NEDD9: variants seen among roughly 807,000 people sequenced by gnomAD.
NEDD9 encodes neural precursor cell expressed, developmentally down-regulated 9.
NEDD9 carries 26 observed loss-of-function variants against 76.6 expected under a neutral mutation model. That is an observed-to-expected ratio of 0.34 (90% CI 0.25 to 0.47). The LOEUF (loss-of-function observed/expected upper bound fraction) is 0.47. Ranked by LOEUF, NEDD9 falls within the 20% of genes least tolerant of loss-of-function variation. The pLI, the probability that NEDD9 is intolerant of heterozygous loss-of-function variation, is 1.00. For synonymous variants in NEDD9, 392 were observed against 414.2 expected, an observed-to-expected ratio of 0.95 and a Z score of 0.65; for missense variants, 937 against 1,058.5, an observed-to-expected ratio of 0.89 and a Z score of 1.59.
At chr6:11,342,410 T>C (rs76914443) in intron 1 of NEDD9, among the ~76,000 whole-genome samples, 1 of 71,004 alleles carries the variant, frequency 1.4e-5, no homozygotes, top group African/African-American at 1.2e-4. Context: ...GAAGATAAAG[T>C]AGAATGTTAA....
At chr6:11,226,428 T>C (rs1451971321) in intron 1 of NEDD9, among the ~76,000 whole-genome samples, 2 of 152,234 alleles carry the variant, frequency 1.3e-5, no homozygotes, top group Non-Finnish European at 2.9e-5. Flanking sequence ...AGCCTATATG[T>C]TCTTGCAGAG....
chr6:11,251,643 C>T (rs542983620), intron 3 of NEDD9: 1 of 152,380 alleles, frequency 6.6e-6, no homozygotes, highest in Admixed American at 6.5e-5. Flanking sequence ...GTTCCTCCCC[C>T]TCACTAGGCT....
chr6:11,303,671 C>T (rs1457757269), intron 3 of NEDD9, among the ~76,000 whole-genome samples: 1 of 152,166 alleles, frequency 6.6e-6, no homozygotes, highest in Non-Finnish European at 1.5e-5. Flanking sequence ...CTACAACCAT[C>T]TGAACTTTGG....
chr6:11,306,415 C>T (rs1761185958), intron 2 of NEDD9, among the ~76,000 whole-genome samples: 1 of 152,178 alleles, frequency 6.6e-6, no homozygotes, highest in Non-Finnish European at 1.5e-5. Flanking sequence ...AACAAAAATA[C>T]AGCACAATAA....
At chr6:11,278,563 A>C (rs1760466577) in intron 3 of NEDD9, among the ~76,000 whole-genome samples, 1 of 152,204 alleles carries the variant, frequency 6.6e-6, no homozygotes. Context: ...AAGAGCTCAA[A>C]ATACATGCCA....
rs750643894 is a variant in NEDD9, at chr6:11,190,523, C to T, written c.1346G>A (p.Arg449His). The stretch of plus-strand genomic sequence containing the variant: ...CAGCTCCACCTTGTCCACTGCTGTG[C>T]GTATTTCATTGATGTGTCTTTCCAT... ...GYMERHINEI[R>H]TAVDKVELFL... Residue 449 changes from arginine (R) to histidine (H), a missense_variant, in exon 5 of 7, where the codon CGC becomes CAC. Physicochemically the swap from Arg to His is conservative, Grantham distance 29. Transcript: ENST00000379446. The surrounding 1 kb of genome is among the most constrained non-coding windows in gnomAD (Gnocchi z 5.8). The T allele has an allele frequency of 2.5e-6, 4 of 1,614,156 alleles. No individual in the cohort carries two copies. Among genetic ancestry groups the T allele is most frequent in the South Asian group, 2.2e-5 (2 of 91,080 alleles).
At chr6:11,186,466 C>G (rs1205400388) in intron 6 of NEDD9, among the ~76,000 whole-genome samples, 1 of 152,108 alleles carries the variant, frequency 6.6e-6, no homozygotes, top group African/African-American at 2.4e-5. Flanking sequence ...CACTAAGACT[C>G]AAGAGAGACC....
chr6:11,369,553 T>A (rs2113567237), intron 1 of NEDD9, among the ~76,000 whole-genome samples: 1 of 152,338 alleles, frequency 6.6e-6, no homozygotes, highest in South Asian at 2.1e-4. Context: ...GAGCCAGTTT[T>A]CAATCACAAA....
intron 3 of NEDD9, among the ~76,000 whole-genome samples, chr6:11,298,647 A>AT (rs1760961701): frequency 6.6e-6 from 1 of 152,214 alleles, no homozygotes; most frequent in African/African-American, 2.4e-5. Flanking sequence ...GAAGAGAGAC[A>AT]TTTTTTGTTT....
Position 11,312,794 on chromosome 6 carries a change from C to T in NEDD9, c.-152-6639G>A, listed in dbSNP as rs570155887. 8.6e-5 allele frequency among the ~76,000 whole-genome samples: 13 copies of T among 151,170 alleles called. No individual in the cohort carries two copies. The South Asian group carries it at 1.0e-3, about 12-fold the overall frequency. ...CAGTGGGGTGGGGAAAGTGGGGAGA[C>T]GTAAAACAAGGTTTTCCATGTGCTG... On this transcript the variant is annotated intron_variant, in intron 2 of 3. Transcript: ENST00000397378.
At chr6:11,355,889 T>G (rs1025560094) in intron 1 of NEDD9, among the ~76,000 whole-genome samples, 1 of 150,470 alleles carries the variant, frequency 6.6e-6, no homozygotes, top group Non-Finnish European at 1.5e-5. Flanking sequence ...CCCGGCTAAT[T>G]TTTTGTATTT....
In NEDD9 at chr6:11,302,929, G is replaced by A. The variant is rs148321882; in HGVS notation, c.12+3063C>T. ...ATATCATACTGAATGGACAAAAGCTGGAAGCATTCCCTTTGAAAACCGGCA... is the reference window on the plus strand; with the variant it reads ...ATATCATACTGAATGGACAAAAGCTAGAAGCATTCCCTTTGAAAACCGGCA... On this transcript the variant is annotated intron_variant, in intron 3 of 3. Coordinates refer to the NEDD9 transcript ENST00000397378. Among the ~76,000 whole-genome samples, 621 of 152,288 alleles carry A rather than the reference G, an allele frequency of 4.1e-3. 6 individuals carry two copies. In the East Asian group the frequency reaches 0.053, roughly 13 times the overall value.
chr6:11,260,781 C>G (rs923620837), intron 3 of NEDD9, among the ~76,000 whole-genome samples: 1 of 152,148 alleles, frequency 6.6e-6, no homozygotes, highest in African/African-American at 2.4e-5. Flanking sequence ...TAGTCACACA[C>G]TATTTCTCAG....
chr6:11,319,548 A>C (rs1360574245), intron 2 of NEDD9, among the ~76,000 whole-genome samples: 1 of 149,304 alleles, frequency 6.7e-6, no homozygotes, highest in Admixed American at 6.7e-5. Context: ...GCGGACACAC[A>C]CTAACATGCG....
At chr6:11,265,418 T>C (rs757915641) in intron 3 of NEDD9, among the ~76,000 whole-genome samples, 4 of 152,244 alleles carry the variant, frequency 2.6e-5, no homozygotes, top group African/African-American at 4.8e-5. Context: ...GCTACAGTAT[T>C]TTCTGGACTT....
At chr6:11,381,208 T>C (rs1363619164) in intron 1 of NEDD9, among the ~76,000 whole-genome samples, 2 of 152,222 alleles carry the variant, frequency 1.3e-5, no homozygotes, top group Admixed American at 1.3e-4. Context: ...TATTCTGTCA[T>C]GGACAATTGC....
At chr6:11,378,842 A>G (rs1238392125) in intron 1 of NEDD9, among the ~76,000 whole-genome samples, 1 of 152,216 alleles carries the variant, frequency 6.6e-6, no homozygotes, top group Non-Finnish European at 1.5e-5. Context: ...AGGAATGCAG[A>G]TGAAGAAATA....
intron 1 of NEDD9, among the ~76,000 whole-genome samples, chr6:11,216,708 G>A (rs966335506): frequency 5.3e-5 from 8 of 152,124 alleles, no homozygotes; most frequent in African/African-American, 1.2e-4. Context: ...TTAGTTTCCC[G>A]GTCTTTGGTA....
intron 1 of NEDD9, among the ~76,000 whole-genome samples, chr6:11,342,702 C>A (rs987142587): frequency 6.6e-6 from 1 of 152,050 alleles, no homozygotes; most frequent in Non-Finnish European, 1.5e-5. Flanking sequence ...AGAATAGTAC[C>A]AGGAAGAAAC....
Sources: allele counts gnomAD v4.1 joint callset (sites outside exome capture counted in the v4.1 genomes callset), GRCh38; gene constraint gnomAD v4.1.1; non-coding constraint Gnocchi (gnomAD v3.1); transcripts MANE v1.5; gene names NCBI Gene and HGNC (gene_info 2026-07-23, HGNC 2026-07-21).